Variants in PTPRK observed in about 807,000 individuals in gnomAD.
PTPRK encodes protein tyrosine phosphatase receptor type K, also known as receptor-type tyrosine-protein phosphatase kappa.
In PTPRK, 75 loss-of-function variants were observed where a neutral mutation model predicts 178.0. The ratio of observed to expected loss-of-function variants is 0.42; its 90% CI spans 0.35 to 0.51. PTPRK has a LOEUF of 0.51. Among genes scored for constraint, PTPRK ranks in the 20% least tolerant of loss-of-function variants. The probability of loss-of-function intolerance (pLI) is 0.02; values close to 1 mark genes in which losing one functional copy is unlikely to be tolerated. For missense variants in PTPRK, 1,441 were observed against 1,797.8 expected, an observed-to-expected ratio of 0.80 and a Z score of 3.59; for synonymous variants, 637 against 620.6, an observed-to-expected ratio of 1.03 and a Z score of -0.39.
At chr6:128,320,314 AAGAT>A (rs1356808058) in intron 3 of PTPRK, among the ~76,000 whole-genome samples, 1 of 152,192 alleles carries the variant, frequency 6.6e-6, no homozygotes, top group African/African-American at 2.4e-5. Context: ...CAATGATTCA[AAGAT>A]AGATCTTTAA....
chr6:128,210,285 C>A, intron 6 of PTPRK, among the ~76,000 whole-genome samples: 1 of 151,296 alleles, frequency 6.6e-6, no homozygotes, highest in Non-Finnish European at 1.5e-5. Flanking sequence ...TCTTTGAGAC[C>A]ATTCTCTTGT....
chr6:128,389,900 C>G (rs1181113353), intron 2 of PTPRK, among the ~76,000 whole-genome samples: 1 of 152,000 alleles, frequency 6.6e-6, no homozygotes, highest in Non-Finnish European at 1.5e-5. Context: ...GCATTTATGT[C>G]TGCGAGGGTA....
Position 128,208,114 on chromosome 6 carries a change from C to T in PTPRK, c.868+10808G>A, listed in dbSNP as rs761132109. On this transcript the variant is annotated intron_variant, in intron 6 of 29. Coordinates refer to ENST00000368226, the MANE Select transcript of PTPRK (RefSeq NM_002844.4). ...GCATCAACCAGTCTGATCATGGTAA[C>T]TGCTTTTTAGCAATCCTGCACAGTA... Among the ~76,000 whole-genome samples the T allele has an allele frequency of 2.0e-3, 301 of 152,160 alleles. 3 individuals are homozygous for T. The highest frequency in any genetic ancestry group is 2.5e-3 in the Non-Finnish European group (167 of 67,992).
chr6:128,185,412 T>C (rs1433274657), intron 6 of PTPRK, among the ~76,000 whole-genome samples: 3 of 152,168 alleles, frequency 2.0e-5, no homozygotes, highest in African/African-American at 7.2e-5. Context: ...AAAACATTAT[T>C]TCAACATTTG....
At chr6:128,236,665 A>G (rs1813343648) in intron 5 of PTPRK, among the ~76,000 whole-genome samples, 1 of 152,106 alleles carries the variant, frequency 6.6e-6, no homozygotes, top group South Asian at 2.1e-4. Flanking sequence ...CTTTTAGTGC[A>G]TAAATGTACC....
rs550181020 is a variant in PTPRK, at chr6:127,996,659, T to C, written c.2767+242A>G. ...CTGATTTTTGTATTTTTAGTAGAAATAGAGTTTTGCCATGTTGGCCAGGCT... is the reference window on the plus strand; with the variant it reads ...CTGATTTTTGTATTTTTAGTAGAAACAGAGTTTTGCCATGTTGGCCAGGCT... On this transcript the variant is annotated intron_variant, in intron 17 of 29. Coordinates refer to ENST00000368226, the MANE Select transcript of PTPRK (RefSeq NM_002844.4). Among the ~76,000 whole-genome samples the C allele has an allele frequency of 2.6e-5, 4 of 152,158 alleles. No homozygotes were observed. The South Asian group carries it at 6.2e-4, about 24-fold the overall frequency.
At chr6:128,315,377 C>A (rs1827855362) in intron 3 of PTPRK, among the ~76,000 whole-genome samples, 1 of 151,974 alleles carries the variant, frequency 6.6e-6, no homozygotes, top group South Asian at 2.1e-4. Flanking sequence ...TTCTAGAGGG[C>A]TGAGAAGAAT....
intron 2 of PTPRK, among the ~76,000 whole-genome samples, chr6:128,331,024 T>A (rs1830207086): frequency 6.6e-6 from 1 of 152,216 alleles, no homozygotes; most frequent in African/African-American, 2.4e-5. Context: ...TTCCTAGGTC[T>A]GTTAAAGTAG....
At chr6:128,058,502 T>C (rs989226051) in intron 13 of PTPRK, among the ~76,000 whole-genome samples, 12 of 152,158 alleles carry the variant, frequency 7.9e-5, no homozygotes, top group African/African-American at 2.9e-4. Context: ...GTCTCTTGTC[T>C]CCTCACTAGT....
At chr6:128,126,264 G>T (rs1793363178) in intron 7 of PTPRK, among the ~76,000 whole-genome samples, 1 of 151,340 alleles carries the variant, frequency 6.6e-6, no homozygotes, top group Non-Finnish European at 1.5e-5. Context: ...TCCCCTCCCT[G>T]TGTCCATGTG....
intron 7 of PTPRK, among the ~76,000 whole-genome samples, chr6:128,152,597 T>C (rs991095224): frequency 6.6e-6 from 1 of 151,202 alleles, no homozygotes; most frequent in Non-Finnish European, 1.5e-5. Flanking sequence ...AGAGGTTGAA[T>C]TGATAAGTTT....
chr6:128,250,024 C>T (rs997950039), intron 3 of PTPRK, among the ~76,000 whole-genome samples: 5 of 152,104 alleles, frequency 3.3e-5, no homozygotes, highest in African/African-American at 1.2e-4. Context: ...ATAAGTCTCA[C>T]GAGATCTGAT....
chr6:128,001,760 G>A (rs1471449245), intron 15 of PTPRK, among the ~76,000 whole-genome samples: 1 of 151,914 alleles, frequency 6.6e-6, no homozygotes, highest in Non-Finnish European at 1.5e-5. Flanking sequence ...AAATCCACAG[G>A]AGGACCGAGA....
intron 7 of PTPRK, among the ~76,000 whole-genome samples, chr6:128,090,279 G>C (rs572731323): frequency 7.9e-5 from 12 of 152,154 alleles, no homozygotes; most frequent in Non-Finnish European, 1.5e-4. Context: ...TGCATTTATA[G>C]TTGTTGCTGT....
chr6:128,511,555 T>C (rs995884582), intron 1 of PTPRK, among the ~76,000 whole-genome samples: 2 of 152,160 alleles, frequency 1.3e-5, no homozygotes, highest in Non-Finnish European at 2.9e-5. Context: ...CCTAAGAAGC[T>C]CCTGGAATAC....
At chr6:128,378,414 A>C (rs1837410374) in intron 2 of PTPRK, among the ~76,000 whole-genome samples, 1 of 152,118 alleles carries the variant, frequency 6.6e-6, no homozygotes, top group Non-Finnish European at 1.5e-5. Context: ...AATGCACACA[A>C]ACATAGACTT....
At chr6:128,188,562 A>G (rs1424386541) in intron 6 of PTPRK, among the ~76,000 whole-genome samples, 1 of 152,196 alleles carries the variant, frequency 6.6e-6, no homozygotes, top group Non-Finnish European at 1.5e-5. Context: ...TCGTAAGATT[A>G]GTCCTACCAC....
intron 1 of PTPRK, among the ~76,000 whole-genome samples, chr6:128,477,952 A>G (rs1219566941): frequency 6.6e-6 from 1 of 152,106 alleles, no homozygotes; most frequent in Non-Finnish European, 1.5e-5. Flanking sequence ...CTGCCACCAA[A>G]ATGAAGAGGC....
At chr6:128,236,077 G>C (rs2128281270) in intron 5 of PTPRK, among the ~76,000 whole-genome samples, 1 of 152,068 alleles carries the variant, frequency 6.6e-6, no homozygotes, top group East Asian at 1.9e-4. Context: ...AGTATATGTG[G>C]GGTTTGGTAC....
Sources: allele counts gnomAD v4.1 joint callset (sites outside exome capture counted in the v4.1 genomes callset), GRCh38; gene constraint gnomAD v4.1.1; transcripts MANE v1.5; gene names NCBI Gene and HGNC (gene_info 2026-07-23, HGNC 2026-07-21).